The following ANKS1B variants were observed in gnomAD, a reference collection of about 807,000 sequenced individuals.
ANKS1B encodes the protein ankyrin repeat and sterile alpha motif domain-containing protein 1B.
Under a neutral mutation model 148.3 loss-of-function variants are expected in ANKS1B, and 36 were observed. The ratio of observed to expected loss-of-function variants is 0.24; its 90% confidence interval spans 0.19 to 0.32. ANKS1B has a LOEUF of 0.32. ANKS1B is among the 10% of genes least tolerant of loss of function. ANKS1B has a pLI of 1.00. For missense variants in ANKS1B, 1,157 were observed against 1,542.6 expected (o/e 0.75, Z 4.19); for synonymous variants, 542 against 560.8 (o/e 0.97, Z 0.47).
chr12:98,790,378 C>T (rs1040476703), intron 22 of ANKS1B, among the ~76,000 whole-genome samples: 4 of 152,288 alleles, frequency 2.6e-5, no homozygotes, highest in Admixed American at 1.3e-4. Context: ...CATCTGTAAA[C>T]GGGTATGTTA....
chr12:99,232,999 A>T (rs1488510282), intron 14 of ANKS1B, among the ~76,000 whole-genome samples: 1 of 152,114 alleles, frequency 6.6e-6, no homozygotes, highest in Admixed American at 6.6e-5. Context: ...ACAAGTAGAA[A>T]ATTTTGACTG....
At chr12:99,882,567 C>T (rs1490159633) in intron 1 of ANKS1B, among the ~76,000 whole-genome samples, 1 of 152,074 alleles carries the variant, frequency 6.6e-6, no homozygotes, top group East Asian at 1.9e-4. Context: ...TCTGAGGATC[C>T]CTCATCAGAA....
chr12:99,928,762 A>G (rs2094539065), intron 1 of ANKS1B, among the ~76,000 whole-genome samples: 1 of 152,312 alleles, frequency 6.6e-6, no homozygotes, highest in African/African-American at 2.4e-5. Flanking sequence ...ACTTGATGAG[A>G]ACTTAGTCAC....
chr12:98,863,908 A>G (rs1407264593), intron 17 of ANKS1B, among the ~76,000 whole-genome samples: 1 of 152,212 alleles, frequency 6.6e-6, no homozygotes, highest in Non-Finnish European at 1.5e-5. Flanking sequence ...AATAGTCTGT[A>G]TTACTTACAC....
At chr12:99,291,139 G>A (rs2079908973) in intron 12 of ANKS1B, among the ~76,000 whole-genome samples, 1 of 152,048 alleles carries the variant, frequency 6.6e-6, no homozygotes, top group Non-Finnish European at 1.5e-5. Flanking sequence ...ATTTCCAATA[G>A]TTATGAATAA....
chr12:99,166,802 C>G (rs976825487), intron 14 of ANKS1B, among the ~76,000 whole-genome samples: 1 of 151,832 alleles, frequency 6.6e-6, no homozygotes, highest in Non-Finnish European at 1.5e-5. Context: ...CCCAGAATAA[C>G]CAAAACAACT....
chr12:98,831,962 G>T, intron 18 of ANKS1B, 67 bp downstream of exon 18: 1 of 1,430,304 alleles, frequency 7.0e-7, no homozygotes, highest in Non-Finnish European at 9.6e-7. Flanking sequence ...ATGTTGGCCA[G>T]GCTGGTCTCA....
intron 25 of ANKS1B, among the ~76,000 whole-genome samples, chr12:98,759,200 G>A (rs1296782500): frequency 6.6e-6 from 1 of 152,184 alleles, no homozygotes; most frequent in African/African-American, 2.4e-5. Flanking sequence ...TGTGCAAGCT[G>A]AAGATATGCA....
At chr12:99,583,304 T>C (rs1204064730) in intron 9 of ANKS1B, among the ~76,000 whole-genome samples, 2 of 152,146 alleles carry the variant, frequency 1.3e-5, no homozygotes, top group African/African-American at 4.8e-5. Context: ...TACAGAAACA[T>C]GAATATAAAT....
At chr12:98,994,508 T>C (rs996928729) in intron 17 of ANKS1B, among the ~76,000 whole-genome samples, 2 of 152,116 alleles carry the variant, frequency 1.3e-5, no homozygotes, top group Non-Finnish European at 2.9e-5. Flanking sequence ...TCTCAGCTAC[T>C]CGGAAGGCTG....
intron 10 of ANKS1B, among the ~76,000 whole-genome samples, chr12:99,462,673 C>G (rs2096002691): frequency 6.6e-6 from 1 of 152,170 alleles, no homozygotes; most frequent in Non-Finnish European, 1.5e-5. Context: ...TTGATATTCT[C>G]TGATATGGTT....
At chr12:99,329,737 G>C (rs1305739570) in intron 12 of ANKS1B, among the ~76,000 whole-genome samples, 2 of 151,666 alleles carry the variant, frequency 1.3e-5, no homozygotes, top group African/African-American at 4.8e-5. Flanking sequence ...CATGTTCATT[G>C]CAAATGCCAC....
chr12:98,764,901 C>G (rs115576106), intron 25 of ANKS1B, among the ~76,000 whole-genome samples: 178 of 152,340 alleles, frequency 1.2e-3, no homozygotes, highest in African/African-American at 4.3e-3. Context: ...GTCCCTTCAT[C>G]TCCTGCTGGA....
In ANKS1B at chr12:98,801,074, T is replaced by C. The variant is rs2099001292; in HGVS notation, c.3193A>G (p.Thr1065Ala). The C allele has an allele frequency of 6.2e-7, 1 of 1,612,922 alleles. No individual in the cohort carries two copies. The change falls in exon 21 of 27, where the codon ACA becomes GCA. Residue 1065 changes from threonine (T) to alanine (A), a missense_variant. This residue lies in a region of ANKS1B where 258 missense variants were observed against 497.0 expected (regional missense o/e 0.52). Transcript: ENST00000683438. This position sits in a 1 kb window ranked among gnomAD's most constrained non-coding sequence, Gnocchi z 5.2. ...CAGTACTGTACCGGGGTAGAGGCTG[T>C]GGCTTCATTCGGAGGTCGCAAGGTA... ...SITLRPPNEATASTPVQYWQH... is the reference protein window; with the variant it reads ...SITLRPPNEAAASTPVQYWQH...
rs371953725 is a variant in ANKS1B, at chr12:98,873,733, C to T, written c.2779-41597G>A. ...TCATGAAGTTCCAGAACCAATGATT[C>T]AAAGGATACCCCACTGAAAAAAGAC... On this transcript the variant is annotated intron_variant, in intron 17 of 26. Coordinates refer to ENST00000683438, the MANE Select transcript of ANKS1B (RefSeq NM_001352186.2). Among the ~76,000 whole-genome samples the T allele has an allele frequency of 3.3e-4, 50 of 152,254 alleles. No individual in the cohort carries two copies. The South Asian group carries it at 1.0e-2, about 30-fold the overall frequency.
At position 99,001,729 on chromosome 12, in the gene ANKS1B, A is replaced by G. The variant is rs151158089; in HGVS notation, c.2778+51428T>C. ...TATGGTATTATTAACCGTAATTATC[A>G]TGCTGTACTAATATTGGATCCCTAG... On this transcript the variant is annotated intron_variant, in intron 17 of 26. Transcript: ENST00000683438. Among the ~76,000 whole-genome samples the G allele has an allele frequency of 0.013, 2,027 of 152,320 alleles. 90 individuals are homozygous for G. The South Asian group carries it at 0.17, about 13-fold the overall frequency.
intron 8 of ANKS1B, among the ~76,000 whole-genome samples, chr12:99,737,079 T>C (rs1231956245): frequency 2.0e-5 from 3 of 152,118 alleles, no homozygotes; most frequent in African/African-American, 4.8e-5. Context: ...TTATATGCTG[T>C]TGATAAAAAT....
At chr12:99,084,321 G>C (rs2050862985) in intron 16 of ANKS1B, among the ~76,000 whole-genome samples, 1 of 152,106 alleles carries the variant, frequency 6.6e-6, no homozygotes, top group Non-Finnish European at 1.5e-5. Context: ...CCACCTGGGG[G>C]GCCAGAACTG....
chr12:99,769,995 C>T (rs746305095), intron 8 of ANKS1B, among the ~76,000 whole-genome samples: 6 of 152,222 alleles, frequency 3.9e-5, no homozygotes, highest in Non-Finnish European at 7.3e-5. Context: ...TCCACAAAGA[C>T]TTCAATGAGT....
Sources: gnomAD v4.1 joint callset for allele counts (sites outside exome capture counted in the v4.1 genomes callset) on GRCh38, gnomAD v4.1.1 for gene constraint, gnomAD v4.1.1 regional missense constraint, Gnocchi (gnomAD v3.1) non-coding constraint, MANE v1.5 for transcripts, NCBI Gene and HGNC (gene_info 2026-07-23, HGNC 2026-07-21) for gene names.